The following FXR2 variants were observed in gnomAD, a reference collection of about 807,000 sequenced individuals.
The protein encoded by FXR2 is FMR1 autosomal homolog 2.
FXR2 carries 9 observed loss-of-function variants against 87.3 expected under a neutral mutation model. The ratio of observed to expected loss-of-function variants is 0.10; its 90% CI spans 0.06 to 0.18. FXR2 has a LOEUF of 0.18. Ranked by LOEUF, FXR2 falls within the 10% of genes least tolerant of loss-of-function variation. FXR2 has a pLI of 1.00. For synonymous variants in FXR2, 331 were observed against 328.3 expected (o/e 1.01, Z -0.09); for missense variants, 661 against 893.6 (o/e 0.74, Z 3.32).
intron 2 of FXR2, 96 bp from the exon 3 acceptor site, chr17:7,605,834 C>T (rs907885565): frequency 3.9e-6 from 3 of 764,036 alleles, no homozygotes; most frequent in Non-Finnish European, 4.6e-6. Context: ...GCGAGTTCCA[C>T]CTATCTGGAT....
intron 5 of FXR2, 145 bp downstream of exon 5, chr17:7,603,612 A>C (rs2071778176): frequency 1.6e-6 from 1 of 636,506 alleles, no homozygotes; most frequent in African/African-American, 1.8e-5. Context: ...AAAGAAACTA[A>C]GTGTCTTCTT....
At chr17:7,596,840 C>T (rs1302116909) in intron 7 of FXR2, among the ~76,000 whole-genome samples, 4 of 152,162 alleles carry the variant, frequency 2.6e-5, no homozygotes, top group East Asian at 1.9e-4. Flanking sequence ...CGGTGGCTCA[C>T]GCCTGTAATT....
chr17:7,614,118 C>T (rs1160801385), intron 1 of FXR2: 5 of 556,312 alleles, frequency 9.0e-6, no homozygotes, highest in South Asian at 7.6e-5. Context: ...TAAGGTATGT[C>T]TTCCACCAGA....
rs114877007 is a variant in FXR2 at position 7,610,069 on chromosome 17, T to C, written c.82-3920A>G. Among the ~76,000 whole-genome samples the C allele has an allele frequency of 9.9e-3, 1,484 of 150,314 alleles. 34 individuals carry two copies. The highest frequency in any genetic ancestry group is 0.035 in the African/African-American group (1,415 of 40,542). On this transcript the variant is annotated intron_variant, in intron 1 of 16. Transcript: ENST00000250113. ...ATATACACACACACACACACACATATATATAAATTAGCCAGGCGTGGTGGC... is the reference window on the plus strand; with the variant it reads ...ATATACACACACACACACACACATACATATAAATTAGCCAGGCGTGGTGGC...
intron 7 of FXR2, among the ~76,000 whole-genome samples, chr17:7,597,973 TC>T (rs2071721706): frequency 6.6e-6 from 1 of 150,644 alleles, no homozygotes; most frequent in African/African-American, 2.5e-5. Flanking sequence ...AATATGTATC[TC>T]TCAGTATCAC....
chr17:7,603,244 T>C (rs1423592590), intron 5 of FXR2, among the ~76,000 whole-genome samples: 1 of 149,484 alleles, frequency 6.7e-6, no homozygotes, highest in Non-Finnish European at 1.5e-5. Context: ...GAAAAGGGAC[T>C]GGGCCGGGTG....
In FXR2 at chr17:7,594,609, T is replaced by G; in HGVS notation, c.910+70A>C. ...TCCACAGGGAGGTGCCAATCCTGGA[T>G]AAAAGCTCAGAATCACTGTAGAGAA... On this transcript the variant is annotated intron_variant, in intron 9 of 16. Transcript: ENST00000250113. The surrounding 1 kb of genome is among the most constrained non-coding windows in gnomAD (Gnocchi z 5.1). The G allele has an allele frequency of 2.9e-6, 3 of 1,023,988 alleles. No homozygotes were observed. In the South Asian group the frequency reaches 3.8e-5, roughly 13 times the overall value. The allele number at this position is 1,023,988 out of a possible 1,614,324, so 63.4% of individuals were successfully genotyped here.
chr17:7,609,956 A>ATGTATACATG (rs1491444636), intron 1 of FXR2, among the ~76,000 whole-genome samples: 1 of 46,972 alleles, frequency 2.1e-5, no homozygotes, highest in Non-Finnish European at 7.5e-5. Flanking sequence ...ATATGTATAC[A>ATGTATACATG]TATATATACA....
rs2071692434 is a variant in FXR2 at position 7,594,568 on chromosome 17, C to A, written c.910+111G>T. 5 of 784,878 alleles carry A rather than the reference C, an allele frequency of 6.4e-6. No homozygotes were observed. The highest frequency in any genetic ancestry group is 1.1e-5 in the Non-Finnish European group (5 of 442,520). 48.6% of individuals were successfully genotyped at this position (784,878 alleles called of 1,614,324 possible). A position where few individuals can be genotyped will look rare whatever the true frequency, so the allele number is the denominator to read the frequency against. On this transcript the variant is annotated intron_variant, in intron 9 of 16. Transcript: ENST00000250113. This position sits in a 1 kb window ranked among gnomAD's most constrained non-coding sequence, Gnocchi z 5.1. Reference sequence around the variant, plus strand: ...TCCCATTACAGACTGTTTCTCTGTCCTTGTGAAACTGGGAGTCCACAGGGA... The same window carrying A: ...TCCCATTACAGACTGTTTCTCTGTCATTGTGAAACTGGGAGTCCACAGGGA...
At chr17:7,601,180 CA>C (rs35065111) in intron 7 of FXR2, among the ~76,000 whole-genome samples, 3,691 of 79,324 alleles carry the variant, frequency 0.047, 57 homozygotes, top group African/African-American at 0.096. Context: ...CTCTGTCTCC[CA>C]AAAAAAAAAA....
chr17:7,602,926 T>G lies in FXR2; in HGVS notation c.526A>C (p.Ser176Arg), dbSNP rs1330277776. 19 of 1,527,118 alleles carry G rather than the reference T, an allele frequency of 1.2e-5. No individual in the cohort carries two copies. Among genetic ancestry groups the G allele is most frequent in the Non-Finnish European group, 1.7e-5 (19 of 1,101,970 alleles). 94.6% of individuals were successfully genotyped at this position (1,527,118 alleles called of 1,614,324 possible). ...ANCIFLNITN[S>R]ELFILSTTEA... ...AAACTCACCAGAATGAAGAGCTCAC[T>G]GTTTGTGATGTTGAGAAAGATGCAG... Residue 176 changes from serine (S) to arginine (R), a missense_variant, in exon 6 of 17, where the codon AGT becomes CGT. Physicochemically the swap from Ser to Arg is moderately radical, Grantham distance 110. Transcript: ENST00000250113.
intron 3 of FXR2, 76 bp from the exon 4 acceptor site, chr17:7,604,156 A>T (rs2071782868): frequency 9.0e-7 from 1 of 1,108,114 alleles, no homozygotes. Flanking sequence ...GAGGCCGGGC[A>T]TGGTGGGGCT....
In FXR2 at chr17:7,610,628, T is replaced by C. The variant is rs144869039; in HGVS notation, c.81+3824A>G. On this transcript the variant is annotated intron_variant, in intron 1 of 16. Transcript: ENST00000250113. ...TCCCCAACTTCATATTCCAATCCTG[T>C]CTCTGCTCCTAAATTCCACCCATTC... Among the ~76,000 whole-genome samples, 983 of 152,328 alleles carry C rather than the reference T, an allele frequency of 6.5e-3. 5 individuals carry two copies. Among genetic ancestry groups the C allele is most frequent in the Admixed American group, 9.6e-3 (146 of 15,284 alleles).
Position 7,592,145 on chromosome 17 carries a change from G to A in FXR2, c.1926+109C>T. On this transcript the variant is annotated intron_variant, in intron 16 of 16. Transcript: ENST00000250113. This position sits in a 1 kb window ranked among gnomAD's most constrained non-coding sequence, Gnocchi z 4.8. ...GTTTACACTGGTCTAAACTCCATCA[G>A]ACACAGCTGCCTCTGCAATTCAGTA... 1.0e-5 allele frequency: 16 copies of A among 1,538,924 alleles called. No individual in the cohort carries two copies. Among genetic ancestry groups the A allele is most frequent in the Non-Finnish European group, 1.3e-5 (15 of 1,141,106 alleles).
chr17:7,593,249 C>A lies in FXR2; in HGVS notation c.1331-68G>T. ...CTCAGGATCCATCACATCCCCCAAACTGGAAGAATTCTCCTTCTCACTCAC... is the reference window on the plus strand; with the variant it reads ...CTCAGGATCCATCACATCCCCCAAAATGGAAGAATTCTCCTTCTCACTCAC... On this transcript the variant is annotated intron_variant, in intron 12 of 16. Coordinates refer to ENST00000250113, the MANE Select transcript of FXR2 (RefSeq NM_004860.4). The surrounding 1 kb of genome is among the most constrained non-coding windows in gnomAD (Gnocchi z 6.1). 7.6e-7 allele frequency: 1 copy of A among 1,319,734 alleles called. No individual in the cohort carries two copies. The highest frequency in any genetic ancestry group is 2.5e-5 in the East Asian group (1 of 40,260). 81.8% of individuals were successfully genotyped at this position (1,319,734 alleles called of 1,614,324 possible).
rs1567747107 is a variant in FXR2, at chr17:7,591,971, G to C, written c.1927-46C>G. 1 of 1,303,782 alleles carries C rather than the reference G, an allele frequency of 7.7e-7. No homozygotes were observed. The highest frequency in any genetic ancestry group is 1.1e-6 in the Non-Finnish European group (1 of 916,272). The allele number at this position is 1,303,782 out of a possible 1,614,324, so 80.8% of individuals were successfully genotyped here. On this transcript the variant is annotated intron_variant, in intron 16 of 16. Transcript: ENST00000250113. The surrounding 1 kb of genome is among the most constrained non-coding windows in gnomAD (Gnocchi z 4.0). ...AAAACAGAAAAGCAAGAAGCGGTGA[G>C]TAGAAATTCAGGTGGGAGACATTCC...
intron 7 of FXR2, among the ~76,000 whole-genome samples, chr17:7,596,860 TG>T (rs763357898): frequency 2.8e-4 from 42 of 152,180 alleles, no homozygotes; most frequent in Admixed American, 6.5e-4. Context: ...TCCAGCACTG[TG>T]GGAGGCTGAG....
Position 7,603,083 on chromosome 17 carries a change from G to T in FXR2, c.450-81C>A, listed in dbSNP as rs570738736. 1.7e-5 allele frequency: 12 copies of T among 717,268 alleles called. No individual in the cohort carries two copies. In the South Asian group the frequency reaches 1.8e-4, roughly 11 times the overall value. 44.4% of individuals were successfully genotyped at this position (717,268 alleles called of 1,614,324 possible). On this transcript the variant is annotated intron_variant, in intron 5 of 16. Coordinates refer to ENST00000250113, the MANE Select transcript of FXR2 (RefSeq NM_004860.4). ...CGGGGGAGGCTGGACATGGTGGTTT[G>T]CACCTGTAATCCTAGCACTTTGGGA...
chr17:7,613,274 G>A (rs1009248947), intron 1 of FXR2, among the ~76,000 whole-genome samples: 11 of 152,080 alleles, frequency 7.2e-5, no homozygotes, highest in Non-Finnish European at 1.6e-4. Flanking sequence ...TCCCCAGGGT[G>A]AAATCAAAGA....
Sources: allele counts gnomAD v4.1 joint callset (sites outside exome capture counted in the v4.1 genomes callset), GRCh38; gene constraint gnomAD v4.1.1; non-coding constraint Gnocchi (gnomAD v3.1); transcripts MANE v1.5; gene names NCBI Gene and HGNC (gene_info 2026-07-23, HGNC 2026-07-21).